RAB38: variants seen among roughly 807,000 people sequenced by gnomAD.
The protein encoded by RAB38 is ras-related protein Rab-38.
Under a neutral mutation model 18.4 loss-of-function variants are expected in RAB38, and 15 were observed. The ratio of observed to expected loss-of-function variants is 0.82; its 90% CI spans 0.55 to 1.26. The LOEUF (loss-of-function observed/expected upper bound fraction) is 1.26, where lower values mean the gene tolerates loss of function less well. Among genes scored for constraint, RAB38 ranks in the 50% most tolerant of loss-of-function variants. The pLI, the probability that RAB38 is intolerant of heterozygous loss-of-function variation, is 0.00. For missense variants in RAB38, 294 were observed against 267.4 expected (o/e 1.10, Z -0.69); for synonymous variants, 101 against 104.4 (o/e 0.97, Z 0.20).
intron 2 of RAB38, among the ~76,000 whole-genome samples, chr11:88,117,565 T>G (rs1044550640): frequency 2.0e-5 from 3 of 152,206 alleles, no homozygotes; most frequent in Non-Finnish European, 4.4e-5. Flanking sequence ...TATTTCAGAT[T>G]AGAAATTTTA....
At chr11:87,893,390 A>ATATATATATATATATATATATT in the RAB38 span, among the ~76,000 whole-genome samples, 1,763 of 93,750 alleles carry the variant, frequency 0.019, 51 homozygotes, top group East Asian at 0.073. Flanking sequence ...ATATATATAT[A>ATATATATATATATATATATATT]TTTTTTTTTT....
the RAB38 span, among the ~76,000 whole-genome samples, chr11:87,898,390 T>C: frequency 1.4e-4 from 22 of 151,796 alleles, no homozygotes; most frequent in East Asian, 2.5e-3. Context: ...AGAGCCACTT[T>C]CCATGAATCT....
At chr11:87,955,684 ATCTT>A in the RAB38 span, among the ~76,000 whole-genome samples, 3 of 148,442 alleles carry the variant, frequency 2.0e-5, no homozygotes, top group Admixed American at 2.0e-4. Flanking sequence ...CTATCAATCA[ATCTT>A]TCTATCATCT....
chr11:88,099,313 C>T, the RAB38 span, among the ~76,000 whole-genome samples: 1 of 151,416 alleles, frequency 6.6e-6, no homozygotes, highest in African/African-American at 2.4e-5. Flanking sequence ...TATTTAATGA[C>T]TTTTATGCCC....
the RAB38 span, among the ~76,000 whole-genome samples, chr11:87,970,938 C>T: frequency 2.6e-5 from 4 of 151,924 alleles, no homozygotes; most frequent in African/African-American, 4.8e-5. Flanking sequence ...GGAGTCCCTG[C>T]GCAGCAGCTA....
At chr11:87,844,798 C>G in the RAB38 span, among the ~76,000 whole-genome samples, 2 of 152,166 alleles carry the variant, frequency 1.3e-5, no homozygotes, top group East Asian at 3.9e-4. Context: ...AACATAAACC[C>G]CGAGCAAATA....
At chr11:87,817,598 A>G in the RAB38 span, 1 of 152,304 alleles carries the variant, frequency 6.6e-6, no homozygotes, top group South Asian at 2.1e-4. Flanking sequence ...CTTAATAAAC[A>G]TTGTAAAACT....
chr11:88,129,284 G>A (rs1426151271), intron 2 of RAB38, among the ~76,000 whole-genome samples: 1 of 151,946 alleles, frequency 6.6e-6, no homozygotes, highest in East Asian at 1.9e-4. Context: ...TCACCAGAAA[G>A]GTATAAAGTA....
the RAB38 span, among the ~76,000 whole-genome samples, chr11:87,952,169 G>C: frequency 6.6e-6 from 1 of 152,124 alleles, no homozygotes; most frequent in Non-Finnish European, 1.5e-5. Context: ...GTGGCCAGAG[G>C]AGCTGGGGGG....
chr11:88,173,036 G>A (rs979129991), intron 1 of RAB38, among the ~76,000 whole-genome samples: 1 of 152,178 alleles, frequency 6.6e-6, no homozygotes, highest in Non-Finnish European at 1.5e-5. Flanking sequence ...TGTGACTACA[G>A]CCTCCACTGC....
chr11:87,921,030 G>A, the RAB38 span, among the ~76,000 whole-genome samples: 1 of 152,016 alleles, frequency 6.6e-6, no homozygotes, highest in African/African-American at 2.4e-5. Context: ...CATCATAACA[G>A]GACAGAAGGC....
chr11:87,887,637 T>C, the RAB38 span, among the ~76,000 whole-genome samples: 27 of 151,948 alleles, frequency 1.8e-4, no homozygotes, highest in African/African-American at 6.5e-4. Context: ...ATAAAAGATA[T>C]ATGTCATAAC....
At chr11:88,102,345 ACT>A in the RAB38 span, among the ~76,000 whole-genome samples, 18 of 151,856 alleles carry the variant, frequency 1.2e-4, no homozygotes, top group African/African-American at 4.3e-4. Context: ...CTATCTTTTT[ACT>A]CTTTCATTCT....
chr11:88,118,851 C>G (rs908816161), intron 2 of RAB38, among the ~76,000 whole-genome samples: 1 of 152,134 alleles, frequency 6.6e-6, no homozygotes, highest in Non-Finnish European at 1.5e-5. Flanking sequence ...GTTAATTAAG[C>G]AGGTGCTTTG....
At chr11:88,050,903 C>T in the RAB38 span, among the ~76,000 whole-genome samples, 1 of 152,006 alleles carries the variant, frequency 6.6e-6, no homozygotes, top group African/African-American at 2.4e-5. Context: ...TTTTTTTCTG[C>T]CTGTCTTCCT....
chr11:87,837,916 ATTAG>A, the RAB38 span, among the ~76,000 whole-genome samples: 1 of 152,158 alleles, frequency 6.6e-6, no homozygotes. Flanking sequence ...ATTCCAAATT[ATTAG>A]TTTCTTGTCT....
chr11:87,926,451 A>G, the RAB38 span, among the ~76,000 whole-genome samples: 3 of 152,078 alleles, frequency 2.0e-5, no homozygotes, highest in Admixed American at 1.3e-4. Flanking sequence ...CTGTAAAATG[A>G]GAACACTGAA....
chr11:88,067,310 C>G, the RAB38 span, among the ~76,000 whole-genome samples: 1 of 149,188 alleles, frequency 6.7e-6, no homozygotes, highest in Non-Finnish European at 1.5e-5. Flanking sequence ...CTTCATAATA[C>G]TCTAAGATAT....
chr11:87,955,449 G>A, the RAB38 span, among the ~76,000 whole-genome samples: 1 of 152,050 alleles, frequency 6.6e-6, no homozygotes, highest in Non-Finnish European at 1.5e-5. Context: ...TCCAAACCTA[G>A]TATCGTGTAA....
Sources: allele counts gnomAD v4.1 joint callset (sites outside exome capture counted in the v4.1 genomes callset), GRCh38; gene constraint gnomAD v4.1.1; transcripts MANE v1.5; gene names NCBI Gene and HGNC (gene_info 2026-07-23, HGNC 2026-07-21).